STAB1: variants seen among roughly 807,000 people sequenced by gnomAD.
The protein encoded by STAB1 is stabilin-1.
STAB1 carries 250 observed loss-of-function variants against 332.4 expected under a neutral mutation model. That is an observed-to-expected ratio of 0.75 (90% CI 0.68 to 0.84). The LOEUF (loss-of-function observed/expected upper bound fraction) is 0.84. STAB1 is among the 40% of genes least tolerant of loss of function. The pLI, the probability that STAB1 is intolerant of heterozygous loss-of-function variation, is 0.00. For missense variants in STAB1, 3,249 were observed against 3,489.7 expected (o/e 0.93, Z 1.74); for synonymous variants, 1,475 against 1,390.4 (o/e 1.06, Z -1.35).
rs754506753 is a variant in STAB1 at position 52,522,424 on chromosome 3, A to T, written c.6560A>T (p.Gln2187Leu). The T allele has an allele frequency of 6.2e-7, 1 of 1,612,996 alleles. No homozygotes were observed. Among genetic ancestry groups the T allele is most frequent in the East Asian group, 2.2e-5 (1 of 44,872 alleles). The part of the protein sequence containing the change: ...SEPPVDRCLG[Q>L]PPPCHSDAMC... ...CCACCTGTGGACCGCTGCTTGGGCC[A>T]GCCACCGCCCTGCCACTCAGATGCC... is the stretch of plus-strand genomic sequence containing the variant. The change falls in exon 60 of 69, where the codon CAG (glutamine) becomes CTG (leucine). Residue 2187 changes from glutamine to leucine, a missense_variant. By Grantham distance (113) the Gln-to-Leu change is moderately radical. Transcript: ENST00000321725.
At position 52,501,279 on chromosome 3, in the gene STAB1, G is replaced by A. The variant is rs374851068; in HGVS notation, c.192G>A (p.Pro64=). 29 of 1,613,300 alleles carry A rather than the reference G, an allele frequency of 1.8e-5. No individual in the cohort carries two copies. Among genetic ancestry groups the A allele is most frequent in the East Asian group, 1.3e-4 (6 of 44,900 alleles). Reference sequence around the variant, plus strand: ...CCTCAGGCTGGCTGCGGGAGCTCCCGGATCAGATAACCCAGGACTGCCGGT... The same window carrying A: ...CCTCAGGCTGGCTGCGGGAGCTCCCAGATCAGATAACCCAGGACTGCCGGT... ...TCPSGWLREL[P]DQITQDCRYE... Residue 64 remains proline, a synonymous_variant, in exon 2 of 69, where the codon CCG becomes CCA. Transcript: ENST00000321725.
At chr3:52,518,670 C>A in intron 47 of STAB1, 53 bp from the exon 48 acceptor site, 1 of 1,611,742 alleles carries the variant, frequency 6.2e-7, no homozygotes, top group Non-Finnish European at 8.5e-7. Context: ...GGTGGCCCTG[C>A]GTGGGCTGAG....
At chr3:52,521,137 C>A in intron 55 of STAB1, 132 bp downstream of exon 55, 1 of 1,242,108 alleles carries the variant, frequency 8.1e-7, no homozygotes, top group Non-Finnish European at 1.1e-6. Flanking sequence ...GTAGATTTTA[C>A]TAGCGGGAGT....
At position 52,508,346 on chromosome 3, in the gene STAB1, A is replaced by G; in HGVS notation, c.2222A>G (p.Tyr741Cys). 4 of 1,613,778 alleles carry G rather than the reference A, an allele frequency of 2.5e-6. No individual in the cohort carries two copies. The highest frequency in any genetic ancestry group is 3.4e-6 in the Non-Finnish European group (4 of 1,179,982). ...CCTGGGGGCTTCTCCAACCCCTGCT[A>G]TGGCAAAGGCAATGTGAGTCCCATC... Reference protein sequence around the residue: ...QCPGGFSNPCYGKGNCSDGIQ... With the variant: ...QCPGGFSNPCCGKGNCSDGIQ... The change falls in exon 21 of 69, where the codon TAT becomes TGT. Residue 741 changes from tyrosine to cysteine, a missense_variant. Transcript: ENST00000321725.
At chr3:52,496,171 TG>T (rs1708008194) in intron 1 of STAB1, among the ~76,000 whole-genome samples, 4 of 152,182 alleles carry the variant, frequency 2.6e-5, no homozygotes. Flanking sequence ...GCCATCCGTG[TG>T]TGCTGGCGAG....
At position 52,523,763 on chromosome 3, in the gene STAB1, TGAGG is replaced by T. The variant is rs1283384532; in HGVS notation, c.7395+8_7395+11del. 6.3e-7 allele frequency: 1 copy of T among 1,596,036 alleles called. No individual in the cohort carries two copies. Among genetic ancestry groups the T allele is most frequent in the African/African-American group, 1.3e-5 (1 of 74,620 alleles). ...CCTGGCACCCCCACAGCCCGTGAGT[TGAGG>T]AAGGGGGAGGCAGAGCCCTTCCTGG... On this transcript the variant is annotated splice_region_variant and intron_variant, in intron 66 of 68. Coordinates refer to ENST00000321725, the MANE Select transcript of STAB1 (RefSeq NM_015136.3).
At position 52,517,677 on chromosome 3, in the gene STAB1, G is replaced by A. The variant is rs79123746; in HGVS notation, c.4638+53G>A. 12,098 of 1,597,298 alleles carry A rather than the reference G, an allele frequency of 7.6e-3. 742 individuals carry two copies. In the African/African-American group the frequency reaches 0.13, roughly 18 times the overall value. On this transcript the variant is annotated intron_variant, in intron 44 of 68. Coordinates refer to ENST00000321725, the MANE Select transcript of STAB1 (RefSeq NM_015136.3). ...ACTGACGAGAAGGAGAGGGGACTGA[G>A]GCAGGAACCAGCCCTTCTCACCTCC...
At chr3:52,504,980 C>G (rs747746813) in intron 12 of STAB1, 23 bp from the exon 13 acceptor site, 1 of 1,613,286 alleles carries the variant, frequency 6.2e-7, no homozygotes, top group East Asian at 2.2e-5. Flanking sequence ...TGGGATCTGG[C>G]CAGACCTCTT....
intron 1 of STAB1, among the ~76,000 whole-genome samples, chr3:52,497,407 CTTTT>C (rs1200611448): frequency 8.1e-5 from 9 of 111,776 alleles, no homozygotes; most frequent in Admixed American, 2.9e-4. Flanking sequence ...AATTCGATGC[CTTTT>C]TTTTTTTTTT....
intron 1 of STAB1, among the ~76,000 whole-genome samples, chr3:52,499,237 G>A (rs1407843170): frequency 6.6e-6 from 1 of 152,224 alleles, no homozygotes; most frequent in Non-Finnish European, 1.5e-5. Context: ...CACTAGAACT[G>A]GGAGTTTAGC....
chr3:52,501,187 G>T lies in STAB1; in HGVS notation c.100G>T (p.Val34Leu). ...CCAGGTGCTGTTCAAAGGCTGTGAT[G>T]TGAAAACCACGTTTGTCACTCATGT... ...RGQVLFKGCD[V>L]KTTFVTHVPC... is the part of the protein sequence containing the mutation. The change falls in exon 2 of 69, where the codon GTG becomes TTG. Residue 34 changes from valine to leucine, a missense_variant. Physicochemically the swap from Val to Leu is conservative, Grantham distance 32. Transcript: ENST00000321725. 4.3e-6 allele frequency: 7 copies of T among 1,613,604 alleles called. No homozygotes were observed. Among genetic ancestry groups the T allele is most frequent in the Non-Finnish European group, 5.9e-6 (7 of 1,179,876 alleles).
intron 28 of STAB1, 46 bp from the exon 29 acceptor site, chr3:52,512,782 G>T (rs1709387146): frequency 1.2e-6 from 2 of 1,604,694 alleles, no homozygotes; most frequent in Non-Finnish European, 1.7e-6. Flanking sequence ...GAAGATGATG[G>T]CTGCCTTCCT....
rs754851339 is a variant in STAB1, at chr3:52,513,747, G to A, written c.3301G>A (p.Val1101Met). The change falls in exon 31 of 69, where the codon GTG becomes ATG. Residue 1101 changes from valine to methionine, a missense_variant. Val to Met is a conservative substitution (Grantham distance 21). Transcript: ENST00000321725. The stretch of plus-strand genomic sequence containing the variant: ...CTGGGTGCAGAATGCCAGCGTGGAT[G>A]TGGCTGACCTCCTTGCCACCAACGG... ...RVWVQNASVD[V>M]ADLLATNGVL... The A allele has an allele frequency of 5.6e-6, 9 of 1,613,458 alleles. No homozygotes were observed. Among genetic ancestry groups the A allele is most frequent in the Non-Finnish European group, 7.6e-6 (9 of 1,180,014 alleles).
rs1357022588 is a variant in STAB1 at position 52,503,498 on chromosome 3, C to T, written c.849C>T (p.Cys283=). The T allele has an allele frequency of 3.7e-6, 6 of 1,613,658 alleles. No individual in the cohort carries two copies. Among genetic ancestry groups the T allele is most frequent in the South Asian group, 3.3e-5 (3 of 91,088 alleles). ...CATGCACTGACAACCTTGGTGGCTG[C>T]CCCAGCAACTCTACTTTGTGTGTGT... ...KDPCTDNLGG[C]PSNSTLCVYQ... is the part of the protein sequence containing the mutation. Residue 283 remains cysteine, a synonymous_variant, in exon 8 of 69, where the codon TGC becomes TGT. Transcript: ENST00000321725.
rs1228506191 is a variant in STAB1 at position 52,522,668 on chromosome 3, C to G, written c.6724C>G (p.Gln2242Glu). The change falls in exon 61 of 69, where the codon CAG (glutamine) becomes GAG (glutamate). Residue 2242 changes from glutamine to glutamate, a missense_variant. Transcript: ENST00000321725. Reference sequence around the variant, plus strand: ...GGGAGCCGTCCTTGCTTCATTCCCTCAGCTCTCTGCTGCCCAGCAGGTGTG... The same window carrying G: ...GGGAGCCGTCCTTGCTTCATTCCCTGAGCTCTCTGCTGCCCAGCAGGTGTG... ...AQGAVLASFP[Q>E]LSAAQQLGFH... The G allele has an allele frequency of 1.9e-6, 3 of 1,612,970 alleles. No individual in the cohort carries two copies. The highest frequency in any genetic ancestry group is 8.5e-7 in the Non-Finnish European group (1 of 1,180,036).
rs769128144 is a variant in STAB1, at chr3:52,514,525, T to C, written c.3678+29T>C. On this transcript the variant is annotated intron_variant, in intron 34 of 68. Transcript: ENST00000321725. ...TGGGGGTCAGGGAGCAAGGAGACCC[T>C]AGCCCGGGCCCCTACCCCTGAAGAT... is the stretch of plus-strand genomic sequence containing the variant. The C allele has an allele frequency of 3.5e-5, 53 of 1,526,082 alleles. No individual in the cohort carries two copies. The East Asian group carries it at 1.1e-3, about 33-fold the overall frequency. The allele number at this position is 1,526,082 out of a possible 1,614,324, so 94.5% of individuals were successfully genotyped here. A position where few individuals can be genotyped will look rare whatever the true frequency, so the allele number is the denominator to read the frequency against.
rs1257384120 is a variant in STAB1, at chr3:52,517,068, C to T, written c.4448C>T (p.Thr1483Ile). 16 of 1,595,132 alleles carry T rather than the reference C, an allele frequency of 1.0e-5. No individual in the cohort carries two copies. Among genetic ancestry groups the T allele is most frequent in the Non-Finnish European group, 1.4e-5 (16 of 1,170,130 alleles). The part of the protein sequence containing the change: ...TKVAPGQRTC[T>I]CQDGYMGDGE... ...GTGGCACCTGGGCAGCGGACATGCA[C>T]CTGCCAGGATGGCTACATGGGCGAC... The change falls in exon 42 of 69, where the codon ACC becomes ATC. Residue 1483 changes from threonine (T) to isoleucine (I), a missense_variant. Thr to Ile is a moderately conservative substitution (Grantham distance 89, BLOSUM62 -1). Transcript: ENST00000321725.
chr3:52,508,337 A>G lies in STAB1; in HGVS notation c.2213A>G (p.Asn738Ser), dbSNP rs745458887. 3.6e-5 allele frequency: 58 copies of G among 1,613,638 alleles called. No homozygotes were observed. The highest frequency in any genetic ancestry group is 3.3e-5 in the South Asian group (3 of 91,064). Residue 738 changes from asparagine to serine, a missense_variant, in exon 21 of 69, where the codon AAC becomes AGC. Coordinates refer to ENST00000321725, the MANE Select transcript of STAB1 (RefSeq NM_015136.3). Reference protein sequence around the residue: ...DCTQCPGGFSNPCYGKGNCSD... With the variant: ...DCTQCPGGFSSPCYGKGNCSD... ...ACGCAGTGTCCTGGGGGCTTCTCCAACCCCTGCTATGGCAAAGGCAATGTG... is the reference window on the plus strand; with the variant it reads ...ACGCAGTGTCCTGGGGGCTTCTCCAGCCCCTGCTATGGCAAAGGCAATGTG...
At position 52,524,436 on chromosome 3, in the gene STAB1, G is replaced by T. The variant is rs201684761; in HGVS notation, c.*80G>T. 1.2e-6 allele frequency: 2 copies of T among 1,611,674 alleles called. No individual in the cohort carries two copies. On this transcript the variant is annotated 3_prime_UTR_variant, in exon 69 of 69. Coordinates refer to ENST00000321725, the MANE Select transcript of STAB1 (RefSeq NM_015136.3). ...TTGTCTGGGTGGATGGGGCAGGAGG[G>T]GCTGAGGGCCTGTCCCAGACAATAA... is the stretch of plus-strand genomic sequence containing the variant.
Sources: gnomAD v4.1 joint callset for allele counts (sites outside exome capture counted in the v4.1 genomes callset) on GRCh38, gnomAD v4.1.1 for gene constraint, MANE v1.5 for transcripts, NCBI Gene and HGNC (gene_info 2026-07-23, HGNC 2026-07-21) for gene names.